Variants in GANC observed in about 807,000 individuals in gnomAD.
GANC encodes the protein glucosidase alpha, neutral C, also known as neutral alpha-glucosidase C.
Under a neutral mutation model 124.2 loss-of-function variants are expected in GANC, and 117 were observed. That is an observed-to-expected ratio of 0.94 (90% CI 0.81 to 1.10). The LOEUF is 1.10. GANC is among the 50% of genes least tolerant of loss of function. The pLI is 0.00. For missense variants in GANC, 1,140 were observed against 1,095.0 expected, an observed-to-expected ratio of 1.04 and a Z score of -0.58; for synonymous variants, 377 against 376.8, an observed-to-expected ratio of 1.00 and a Z score of -0.01.
At position 42,340,683 on chromosome 15, in the gene GANC, TCCCCAG is replaced by T; in HGVS notation, c.2088-6_2088-1del. ...TGTTAAAACAATAATTTTTTTTCTT[TCCCCAG>T]GCCTCTGTGGGTAGAGTTCCCTGAT... On this transcript the variant is annotated splice_acceptor_variant and splice_polypyrimidine_tract_variant and intron_variant, in intron 17 of 23. Coordinates refer to ENST00000318010, the MANE Select transcript of GANC (RefSeq NM_198141.3). LOFTEE classifies it high-confidence loss of function. The T allele has an allele frequency of 6.3e-7, 1 of 1,589,494 alleles. No homozygotes were observed. The highest frequency in any genetic ancestry group is 1.4e-5 in the African/African-American group (1 of 73,264).
chr15:42,336,068 A>G (rs2052280589), intron 15 of GANC, among the ~76,000 whole-genome samples: 1 of 151,982 alleles, frequency 6.6e-6, no homozygotes, highest in South Asian at 2.1e-4. Context: ...ATTCCGTGCT[A>G]TTCCTGTCAA....
At chr15:42,287,939 G>A in intron 4 of GANC, 121 bp downstream of exon 4, 1 of 987,512 alleles carries the variant, frequency 1.0e-6, no homozygotes. Context: ...AGTCATTTAG[G>A]TTGGTGTAAA....
chr15:42,329,237 A>G (rs1595780135), intron 13 of GANC, 69 bp from the exon 14 acceptor site: 1 of 1,450,560 alleles, frequency 6.9e-7, no homozygotes, highest in South Asian at 1.3e-5. Context: ...AAAATGAGGT[A>G]GCAATGGTGA....
At chr15:42,291,838 A>G (rs1177649443) in intron 4 of GANC, among the ~76,000 whole-genome samples, 1 of 152,156 alleles carries the variant, frequency 6.6e-6, no homozygotes, top group African/African-American at 2.4e-5. Flanking sequence ...TAATGGAATC[A>G]TCAAAAGAAC....
intron 1 of GANC, among the ~76,000 whole-genome samples, chr15:42,275,106 G>A (rs1021963851): frequency 2.0e-5 from 3 of 151,842 alleles, no homozygotes; most frequent in Admixed American, 6.6e-5. Context: ...GGGCCGGTTC[G>A]CTCATGCCTG....
chr15:42,293,528 C>CTTTTTTTTTTTTTTTTT (rs1566951280), intron 5 of GANC, among the ~76,000 whole-genome samples: 8 of 151,802 alleles, frequency 5.3e-5, no homozygotes, highest in African/African-American at 1.9e-4. Flanking sequence ...CAACTCATTT[C>CTTTTTTTTTTTTTTTTT]TGTTTTAAAA....
intron 4 of GANC, 80 bp from the exon 5 acceptor site, chr15:42,292,655 T>G: frequency 7.5e-7 from 1 of 1,330,928 alleles, no homozygotes; most frequent in Non-Finnish European, 1.0e-6. Context: ...ATTTACTAAT[T>G]AATTACTTGG....
At chr15:42,307,184 A>G (rs1322231414) in intron 7 of GANC, among the ~76,000 whole-genome samples, 3 of 152,126 alleles carry the variant, frequency 2.0e-5, no homozygotes, top group South Asian at 2.1e-4. Context: ...ATTCTGTAGA[A>G]TAACAAACCC....
chr15:42,338,558 G>A, intron 16 of GANC, 68 bp downstream of exon 16: 1 of 1,111,914 alleles, frequency 9.0e-7, no homozygotes, highest in South Asian at 1.3e-5. Context: ...ATCAAAGCTG[G>A]TTACAAATCC....
At chr15:42,346,108 A>T (rs2141080457) in intron 20 of GANC, among the ~76,000 whole-genome samples, 1 of 152,286 alleles carries the variant, frequency 6.6e-6, no homozygotes, top group East Asian at 1.9e-4. Flanking sequence ...TTACAAGGAC[A>T]CTGTTCCTGT....
chr15:42,284,704 C>T (rs902007379), intron 3 of GANC, among the ~76,000 whole-genome samples: 5 of 152,246 alleles, frequency 3.3e-5, no homozygotes, highest in Middle Eastern at 6.8e-3. Flanking sequence ...CTCACAGGTG[C>T]AGTCATGGCA....
rs762115926 is a variant in GANC at position 42,310,300 on chromosome 15, G to A, written c.740G>A (p.Arg247His). Reference sequence around the variant, plus strand: ...TGTTTCAGTGATGGAGATGCTTACCGTCTTTATAACCTGGATGTCTATGGA... The same window carrying A: ...TGTTTCAGTGATGGAGATGCTTACCATCTTTATAACCTGGATGTCTATGGA... ...LKNTGDGDAY[R>H]LYNLDVYGYQ... Residue 247 changes from arginine to histidine, a missense_variant, in exon 9 of 24, where the codon CGT becomes CAT. Transcript: ENST00000318010. The A allele has an allele frequency of 6.9e-5, 110 of 1,600,550 alleles. No homozygotes were observed. The South Asian group carries it at 9.5e-4, about 14-fold the overall frequency.
At position 42,295,639 on chromosome 15, in the gene GANC, G is replaced by GACACACACACAC. The variant is rs60220273; in HGVS notation, c.513-1934_513-1923dup. Among the ~76,000 whole-genome samples, 34 of 137,716 alleles carry GACACACACACAC rather than the reference G, an allele frequency of 2.5e-4. 1 individual carries two copies. The highest frequency in any genetic ancestry group is 8.9e-4 in the African/African-American group (32 of 35,964). 90.3% of individuals were successfully genotyped at this position (137,716 alleles called of 152,430 possible). A position where few individuals can be genotyped will look rare whatever the true frequency, so the allele number is the denominator to read the frequency against. On this transcript the variant is annotated intron_variant, in intron 5 of 23. Transcript: ENST00000318010. ...CAAGAAGAAAAAAAGCTTTATTATA[G>GACACACACACAC]ACACACACACACACACACACACACA...
intron 5 of GANC, among the ~76,000 whole-genome samples, chr15:42,296,316 C>T (rs2051890880): frequency 6.6e-6 from 1 of 151,986 alleles, no homozygotes; most frequent in Non-Finnish European, 1.5e-5. Flanking sequence ...TATATCTTAC[C>T]TTCAGAGGTA....
intron 23 of GANC, 59 bp from the exon 24 acceptor site, chr15:42,351,971 A>G: frequency 2.5e-6 from 4 of 1,598,414 alleles, no homozygotes; most frequent in Non-Finnish European, 3.4e-6. Context: ...TTTGGAGAAA[A>G]GACTTTTCCC....
intron 6 of GANC, 74 bp from the exon 7 acceptor site, chr15:42,306,472 T>A (rs1359152965): frequency 8.6e-6 from 10 of 1,162,476 alleles, no homozygotes; most frequent in Non-Finnish European, 1.2e-5. Flanking sequence ...ATAATCCAAA[T>A]AAAATGAGCT....
At chr15:42,306,027 T>C (rs1441035781) in intron 6 of GANC, among the ~76,000 whole-genome samples, 1 of 80,814 alleles carries the variant, frequency 1.2e-5, no homozygotes, top group Non-Finnish European at 3.1e-5. Context: ...AACCACCATG[T>C]CTATTTTTTT....
At chr15:42,279,737 T>A (rs186471173) in intron 3 of GANC, among the ~76,000 whole-genome samples, 1 of 152,266 alleles carries the variant, frequency 6.6e-6, no homozygotes, top group African/African-American at 2.4e-5. Flanking sequence ...TGAAAGACAG[T>A]TAAGGCCATT....
At chr15:42,328,397 G>C (rs2052213510) in intron 13 of GANC, among the ~76,000 whole-genome samples, 1 of 151,800 alleles carries the variant, frequency 6.6e-6, no homozygotes, top group Non-Finnish European at 1.5e-5. Flanking sequence ...AAAAATGTTT[G>C]CCAATCCCTG....
Sources: allele counts gnomAD v4.1 joint callset (sites outside exome capture counted in the v4.1 genomes callset), GRCh38; gene constraint gnomAD v4.1.1; transcripts MANE v1.5; gene names NCBI Gene and HGNC (gene_info 2026-07-23, HGNC 2026-07-21).